The following REC114 variants were observed in gnomAD, a reference collection of about 807,000 sequenced individuals.
REC114 encodes meiotic recombination protein REC114.
REC114 carries 27 observed loss-of-function variants against 31.3 expected under a neutral mutation model. The observed-to-expected ratio is 0.86, with a 90% CI of 0.64 to 1.19. The LOEUF (loss-of-function observed/expected upper bound fraction) is 1.19. Ranked by LOEUF, REC114 falls within the 50% of genes most tolerant of loss-of-function variation. REC114 has a pLI of 0.00. For synonymous variants in REC114, 134 were observed against 127.7 expected (o/e 1.05, Z -0.33); for missense variants, 344 against 326.9 (o/e 1.05, Z -0.40).
At chr15:73,557,670 TAAGC>T (rs1894492066) in intron 5 of REC114, among the ~76,000 whole-genome samples, 1 of 152,122 alleles carries the variant, frequency 6.6e-6, no homozygotes, top group African/African-American at 2.4e-5. Context: ...AATAAAACAA[TAAGC>T]AAGGCAGGGT....
intron 2 of REC114, among the ~76,000 whole-genome samples, chr15:73,535,811 C>G (rs1894147612): frequency 1.3e-5 from 2 of 151,760 alleles, no homozygotes; most frequent in African/African-American, 4.8e-5. Flanking sequence ...CAGCATGGGA[C>G]TGGTACCAAA....
At chr15:73,462,884 C>CAAAAAAAAAAAAAAAAAAAAAAAA (rs769569268) in intron 1 of REC114, among the ~76,000 whole-genome samples, 5 of 55,652 alleles carry the variant, frequency 9.0e-5, no homozygotes, top group African/African-American at 2.8e-4. Context: ...GACTCCGTCT[C>CAAAAAAAAAAAAAAAAAAAAAAAA]AAAAAAAAAA....
At chr15:73,472,611 A>T (rs74328634) in intron 1 of REC114, among the ~76,000 whole-genome samples, 3,918 of 152,270 alleles carry the variant, frequency 0.026, 102 homozygotes, top group African/African-American at 0.062. Flanking sequence ...CTTATTGTTT[A>T]TGTAAGGATG....
chr15:73,515,340 TA>T (rs1487135843), intron 2 of REC114, among the ~76,000 whole-genome samples: 11 of 152,240 alleles, frequency 7.2e-5, no homozygotes, highest in Admixed American at 6.5e-4. Context: ...ATCATATGAT[TA>T]TTTTTAAAAT....
chr15:73,486,668 C>T (rs1197600575), intron 2 of REC114, among the ~76,000 whole-genome samples: 1 of 152,156 alleles, frequency 6.6e-6, no homozygotes, highest in Non-Finnish European at 1.5e-5. Flanking sequence ...TCTCTACTTC[C>T]AAATGGTGCC....
At chr15:73,540,204 A>G (rs1183852658) in intron 2 of REC114, among the ~76,000 whole-genome samples, 1 of 152,182 alleles carries the variant, frequency 6.6e-6, no homozygotes, top group Non-Finnish European at 1.5e-5. Flanking sequence ...TATATCAAAT[A>G]TGACTATGGA....
chr15:73,549,625 GAAATT>G (rs968215601), intron 3 of REC114, among the ~76,000 whole-genome samples: 19 of 152,066 alleles, frequency 1.2e-4, no homozygotes, highest in Admixed American at 9.8e-4. Flanking sequence ...TAAAATTTTA[GAAATT>G]AAATATACAT....
chr15:73,559,964 G>A lies in REC114; in HGVS notation c.*48G>A. The A allele has an allele frequency of 6.9e-7, 1 of 1,448,516 alleles. No individual in the cohort carries two copies. The highest frequency in any genetic ancestry group is 9.3e-7 in the Non-Finnish European group (1 of 1,079,412). 89.7% of individuals were successfully genotyped at this position (1,448,516 alleles called of 1,614,324 possible). A position where few individuals can be genotyped will look rare whatever the true frequency, so the allele number is the denominator to read the frequency against. ...AAGGAACTTCAAAGTATTGAAAAATGCTTCCTCCTAAAATTAAAGAAGATA... is the reference window on the plus strand; with the variant it reads ...AAGGAACTTCAAAGTATTGAAAAATACTTCCTCCTAAAATTAAAGAAGATA... On this transcript the variant is annotated 3_prime_UTR_variant, in exon 6 of 6. Transcript: ENST00000331090.
At chr15:73,454,415 A>G (rs1595859412) in intron 1 of REC114, among the ~76,000 whole-genome samples, 1 of 152,140 alleles carries the variant, frequency 6.6e-6, no homozygotes, top group Non-Finnish European at 1.5e-5. Flanking sequence ...AGAATGGCTG[A>G]TGGGTGAGGA....
intron 2 of REC114, among the ~76,000 whole-genome samples, chr15:73,485,158 A>T (rs1893348149): frequency 6.6e-6 from 1 of 152,150 alleles, no homozygotes; most frequent in African/African-American, 2.4e-5. Context: ...ATCCCTGCTC[A>T]CTGCAACCTC....
intron 1 of REC114, among the ~76,000 whole-genome samples, chr15:73,453,977 G>A: frequency 6.6e-6 from 1 of 151,520 alleles, no homozygotes; most frequent in South Asian, 2.1e-4. Context: ...GGGGAGTGGG[G>A]GGCTGGGGGA....
intron 2 of REC114, among the ~76,000 whole-genome samples, chr15:73,499,955 G>A (rs1167584839): frequency 6.6e-6 from 1 of 152,138 alleles, no homozygotes. Context: ...ATACACAGAA[G>A]TAGAGAGAAT....
intron 2 of REC114, among the ~76,000 whole-genome samples, chr15:73,497,505 CTA>C (rs1893545186): frequency 6.6e-6 from 1 of 152,176 alleles, no homozygotes; most frequent in Non-Finnish European, 1.5e-5. Flanking sequence ...TAGCAGCATG[CTA>C]TCAGTTAGAA....
Position 73,482,077 on chromosome 15 carries a change from C to A in REC114, c.249+8156C>A, listed in dbSNP as rs1595866319. Among the ~76,000 whole-genome samples, 3 of 152,158 alleles carry A rather than the reference C, an allele frequency of 2.0e-5. No homozygotes were observed. The South Asian group carries it at 6.2e-4, about 32-fold the overall frequency. On this transcript the variant is annotated intron_variant, in intron 2 of 5. Transcript: ENST00000331090. ...ATCTTGCAAAACGAAAACTCTGTACCCATTAAACAACTGCCCATTATTTTT... is the reference window on the plus strand; with the variant it reads ...ATCTTGCAAAACGAAAACTCTGTACACATTAAACAACTGCCCATTATTTTT...
intron 2 of REC114, among the ~76,000 whole-genome samples, chr15:73,476,286 G>A (rs1361555297): frequency 6.6e-6 from 1 of 151,996 alleles, no homozygotes; most frequent in Non-Finnish European, 1.5e-5. Flanking sequence ...CTGACTTTAA[G>A]TGTTCAATTT....
At chr15:73,474,711 CTCTT>C (rs1438460794) in intron 2 of REC114, among the ~76,000 whole-genome samples, 2 of 152,132 alleles carry the variant, frequency 1.3e-5, no homozygotes, top group Admixed American at 6.5e-5. Context: ...AGACAGAAAT[CTCTT>C]TCATTATGGG....
intron 1 of REC114, among the ~76,000 whole-genome samples, chr15:73,445,651 T>G (rs549175166): frequency 4.1e-4 from 63 of 152,274 alleles, no homozygotes; most frequent in African/African-American, 1.5e-3. Context: ...GTTGGCTGGA[T>G]TTCAATATTG....
At chr15:73,446,584 G>A (rs932378022) in intron 1 of REC114, among the ~76,000 whole-genome samples, 1 of 151,832 alleles carries the variant, frequency 6.6e-6, no homozygotes, top group Non-Finnish European at 1.5e-5. Flanking sequence ...AGGTTGCAGT[G>A]AGCTGAGATC....
chr15:73,474,478 A>G (rs1280990156), intron 2 of REC114, among the ~76,000 whole-genome samples: 1 of 152,238 alleles, frequency 6.6e-6, no homozygotes, highest in Non-Finnish European at 1.5e-5. Flanking sequence ...ACCAAATGAA[A>G]GAAAAAAAAC....
Sources: gnomAD v4.1 joint callset for allele counts (sites outside exome capture counted in the v4.1 genomes callset) on GRCh38, gnomAD v4.1.1 for gene constraint, MANE v1.5 for transcripts, NCBI Gene and HGNC (gene_info 2026-07-23, HGNC 2026-07-21) for gene names.